Variants in MORC1 observed in about 807,000 individuals in gnomAD.
MORC1 encodes the protein MORC family CW-type zinc finger 1.
In MORC1, 59 loss-of-function variants were observed where a neutral mutation model predicts 134.9. The observed-to-expected ratio is 0.44, with a 90% CI of 0.35 to 0.54. The LOEUF is 0.54. Among genes scored for constraint, MORC1 ranks in the 20% least tolerant of loss-of-function variants. MORC1 has a pLI of 0.00. For synonymous variants in MORC1, 395 were observed against 391.7 expected (o/e 1.01, Z -0.10); for missense variants, 947 against 1,134.5 (o/e 0.83, Z 2.37).
chr3:109,078,452 TTGAA>T (rs1950462685), intron 8 of MORC1, among the ~76,000 whole-genome samples: 1 of 151,936 alleles, frequency 6.6e-6, no homozygotes, highest in Admixed American at 6.6e-5. Flanking sequence ...AAAGCAACTC[TTGAA>T]TAAGAGGAAA....
chr3:109,096,204 A>G (rs779476201), intron 6 of MORC1, among the ~76,000 whole-genome samples: 13 of 152,194 alleles, frequency 8.5e-5, no homozygotes, highest in Non-Finnish European at 1.6e-4. Context: ...TTACAGAAAA[A>G]AATTCAGTGA....
intron 12 of MORC1, among the ~76,000 whole-genome samples, chr3:109,058,756 TA>T (rs1228443086): frequency 6.6e-6 from 1 of 152,066 alleles, no homozygotes; most frequent in East Asian, 1.9e-4. Flanking sequence ...AAGGGATACC[TA>T]AATAGGGTAT....
At chr3:109,098,612 G>A (rs568722210) in intron 6 of MORC1, among the ~76,000 whole-genome samples, 2 of 152,128 alleles carry the variant, frequency 1.3e-5, no homozygotes, top group Non-Finnish European at 2.9e-5. Flanking sequence ...TTGGGCACTC[G>A]AGGCCCTCTA....
chr3:109,024,960 C>A (rs567744880), intron 17 of MORC1, among the ~76,000 whole-genome samples: 1 of 152,260 alleles, frequency 6.6e-6, no homozygotes, highest in Non-Finnish European at 1.5e-5. Context: ...CTGAACATTG[C>A]ATGGTTTTTA....
chr3:109,018,725 C>G (rs895830386), intron 17 of MORC1, among the ~76,000 whole-genome samples: 1 of 152,134 alleles, frequency 6.6e-6, no homozygotes, highest in African/African-American at 2.4e-5. Context: ...TAATACTTTG[C>G]TCTGCTCCAG....
In MORC1 at chr3:109,021,775, CA is replaced by C. The variant is rs374243449; in HGVS notation, c.1704+5975del. On this transcript the variant is annotated intron_variant, in intron 17 of 27. Transcript: ENST00000232603. Reference sequence around the variant, plus strand: ...TCAGGAAGTATGATGTCAGCTTCTCCAAAAAGGATGAGTAAGAAAATAATTT... The same window carrying C: ...TCAGGAAGTATGATGTCAGCTTCTCCAAAAGGATGAGTAAGAAAATAATTT... Among the ~76,000 whole-genome samples the C allele has an allele frequency of 1.8e-4, 28 of 152,230 alleles. No homozygotes were observed. In the East Asian group the frequency reaches 3.3e-3, roughly 18 times the overall value.
At chr3:109,027,172 T>C (rs540774508) in intron 17 of MORC1, among the ~76,000 whole-genome samples, 3 of 152,340 alleles carry the variant, frequency 2.0e-5, no homozygotes, top group South Asian at 4.1e-4. Flanking sequence ...GCTAAATCTA[T>C]AGAGGTTTAA....
chr3:109,050,422 T>G (rs1949795353), intron 14 of MORC1, among the ~76,000 whole-genome samples: 1 of 152,126 alleles, frequency 6.6e-6, no homozygotes. Context: ...GAACATCACA[T>G]GGAGAAGGGG....
chr3:109,053,330 T>C (rs1949874484), intron 14 of MORC1, among the ~76,000 whole-genome samples: 1 of 152,144 alleles, frequency 6.6e-6, no homozygotes, highest in Admixed American at 6.5e-5. Flanking sequence ...CACATGTATG[T>C]TCATTACAGT....
At chr3:109,033,715 C>T (rs987538317) in intron 15 of MORC1, among the ~76,000 whole-genome samples, 3 of 152,066 alleles carry the variant, frequency 2.0e-5, no homozygotes, top group African/African-American at 4.8e-5. Context: ...TATATTAGTA[C>T]TTATCTAAAA....
At chr3:109,115,492 G>C (rs1395054669) in intron 1 of MORC1, among the ~76,000 whole-genome samples, 1 of 151,966 alleles carries the variant, frequency 6.6e-6, no homozygotes, top group Non-Finnish European at 1.5e-5. Flanking sequence ...ACAAAAAGAT[G>C]TCCTTCACCC....
At chr3:108,966,971 C>A (rs969987291) in intron 26 of MORC1, among the ~76,000 whole-genome samples, 3 of 152,142 alleles carry the variant, frequency 2.0e-5, no homozygotes, top group Admixed American at 6.5e-5. Context: ...GTTATGAAAA[C>A]CACTGTTGTG....
chr3:108,986,149 A>C (rs1385356962), intron 22 of MORC1, among the ~76,000 whole-genome samples: 2 of 152,198 alleles, frequency 1.3e-5, no homozygotes, highest in Admixed American at 1.3e-4. Context: ...ACTTATTTCA[A>C]AAGAAGATGA....
At chr3:109,054,706 A>G in intron 14 of MORC1, 22 bp downstream of exon 14, 1 of 1,499,222 alleles carries the variant, frequency 6.7e-7, no homozygotes, top group Middle Eastern at 1.8e-4. Flanking sequence ...AGTATCTCCT[A>G]CTATGACTAT....
chr3:109,101,363 T>C (rs1432289491), intron 4 of MORC1: 1 of 152,222 alleles, frequency 6.6e-6, no homozygotes, highest in Non-Finnish European at 1.5e-5. Flanking sequence ...ACGTTCCAAA[T>C]CATTCTCCCG....
At chr3:109,013,512 C>T (rs930136651) in intron 17 of MORC1, among the ~76,000 whole-genome samples, 1 of 152,148 alleles carries the variant, frequency 6.6e-6, no homozygotes, top group African/African-American at 2.4e-5. Flanking sequence ...CAGTAGGGTT[C>T]CTGTTGCCTG....
chr3:109,043,608 A>C (rs1425362095), intron 14 of MORC1, among the ~76,000 whole-genome samples: 1 of 152,202 alleles, frequency 6.6e-6, no homozygotes, highest in East Asian at 1.9e-4. Context: ...AAGAAAAAAA[A>C]CACAAAAGAG....
intron 24 of MORC1, 59 bp from the exon 25 acceptor site, chr3:108,971,461 A>C (rs764650221): frequency 7.0e-7 from 1 of 1,421,398 alleles, no homozygotes; most frequent in Admixed American, 1.7e-5. Context: ...GTAGCACTCA[A>C]CTGTCAGAAC....
chr3:109,067,727 G>A (rs533909938), intron 9 of MORC1, among the ~76,000 whole-genome samples: 5 of 152,298 alleles, frequency 3.3e-5, no homozygotes, highest in African/African-American at 1.2e-4. Context: ...GATTTATAGG[G>A]AAAGTCTCAG....
Sources: allele counts gnomAD v4.1 joint callset (sites outside exome capture counted in the v4.1 genomes callset), GRCh38; gene constraint gnomAD v4.1.1; transcripts MANE v1.5; gene names NCBI Gene and HGNC (gene_info 2026-07-23, HGNC 2026-07-21).